The following C1orf50 variants were observed in gnomAD, a reference collection of about 807,000 sequenced individuals.
C1orf50 encodes chromosome 1 open reading frame 50, also known as uncharacterized protein C1orf50.
C1orf50 carries 22 observed loss-of-function variants against 23.3 expected under a neutral mutation model. That is an observed-to-expected ratio of 0.94 (90% CI 0.67 to 1.35). The LOEUF (loss-of-function observed/expected upper bound fraction) is 1.35, where lower values mean the gene tolerates loss of function less well. C1orf50 is among the 40% of genes most tolerant of loss of function. C1orf50 has a pLI of 0.00. For missense variants in C1orf50, 271 were observed against 249.4 expected, an observed-to-expected ratio of 1.09 and a Z score of -0.58; for synonymous variants, 96 against 102.4, an observed-to-expected ratio of 0.94 and a Z score of 0.38.
rs1390539491 is a variant in C1orf50 at position 42,778,220 on chromosome 1, T to A, written c.*2826T>A. On this transcript the variant is annotated 3_prime_UTR_variant, in exon 5 of 5. Coordinates refer to ENST00000372525, the MANE Select transcript of C1orf50 (RefSeq NM_024097.4). ...TGTTCACCTGATAATTTCATTAGTG[T>A]TAAGTGCCTTCTAGGTTCCAGGTTC... 6.6e-6 allele frequency: 1 copy of A among 152,174 alleles called. No homozygotes were observed. Among genetic ancestry groups the A allele is most frequent in the Non-Finnish European group, 1.5e-5 (1 of 68,036 alleles). The allele number at this position is 152,174 out of a possible 1,614,324, so 9.4% of individuals were successfully genotyped here. A position where few individuals can be genotyped will look rare whatever the true frequency, so the allele number is the denominator to read the frequency against.
At position 42,775,265 on chromosome 1, in the gene C1orf50, C is replaced by T; in HGVS notation, c.471C>T (p.Asp157=). The change falls in exon 5 of 5, where the codon GAC becomes GAT. Residue 157 remains aspartate (D), a synonymous_variant. Transcript: ENST00000372525. ...TTGGTGCCTACAAACTACAGCATGACTTGTCCTGGACTCCGTATGAGGACA... is the reference window on the plus strand; with the variant it reads ...TTGGTGCCTACAAACTACAGCATGATTTGTCCTGGACTCCGTATGAGGACA... ...DFLGAYKLQH[D]LSWTPYEDIE... 1.2e-6 allele frequency: 2 copies of T among 1,610,818 alleles called. No homozygotes were observed. Among genetic ancestry groups the T allele is most frequent in the Non-Finnish European group, 1.7e-6 (2 of 1,177,208 alleles).
In C1orf50 at chr1:42,778,199, C is replaced by T. The variant is rs1653376107; in HGVS notation, c.*2805C>T. 1 of 152,096 alleles carries T rather than the reference C, an allele frequency of 6.6e-6. No homozygotes were observed. The highest frequency in any genetic ancestry group is 1.5e-5 in the Non-Finnish European group (1 of 68,022). The allele number at this position is 152,096 out of a possible 1,614,324, so 9.4% of individuals were successfully genotyped here. A position where few individuals can be genotyped will look rare whatever the true frequency, so the allele number is the denominator to read the frequency against. ...CTTTTCATTTACCCATCCATCTGTTCACCTGATAATTTCATTAGTGTTAAG... is the reference window on the plus strand; with the variant it reads ...CTTTTCATTTACCCATCCATCTGTTTACCTGATAATTTCATTAGTGTTAAG... On this transcript the variant is annotated 3_prime_UTR_variant, in exon 5 of 5. Coordinates refer to ENST00000372525, the MANE Select transcript of C1orf50 (RefSeq NM_024097.4).
At position 42,778,868 on chromosome 1, in the gene C1orf50, G is replaced by A. The variant is rs541778137; in HGVS notation, c.*3474G>A. 1 of 151,960 alleles carries A rather than the reference G, an allele frequency of 6.6e-6. No individual in the cohort carries two copies. The highest frequency in any genetic ancestry group is 1.9e-4 in the East Asian group (1 of 5,156). The allele number at this position is 151,960 out of a possible 1,614,324, so 9.4% of individuals were successfully genotyped here. A position where few individuals can be genotyped will look rare whatever the true frequency, so the allele number is the denominator to read the frequency against. On this transcript the variant is annotated 3_prime_UTR_variant, in exon 5 of 5. Transcript: ENST00000372525. Reference sequence around the variant, plus strand: ...TATTGGCAGCAGAGTTTGGGTAGAGGGAAGACAGGAGATTCCATCCCTAAT... The same window carrying A: ...TATTGGCAGCAGAGTTTGGGTAGAGAGAAGACAGGAGATTCCATCCCTAAT...
chr1:42,773,883 C>T (rs1442033257), intron 3 of C1orf50, among the ~76,000 whole-genome samples: 2 of 152,126 alleles, frequency 1.3e-5, no homozygotes, highest in Admixed American at 6.5e-5. Flanking sequence ...AGTGCAGTGG[C>T]ATGGTCTCAG....
intron 2 of C1orf50, among the ~76,000 whole-genome samples, chr1:42,769,483 T>A (rs1570491849): frequency 6.6e-6 from 1 of 150,692 alleles, no homozygotes; most frequent in Non-Finnish European, 1.5e-5. Context: ...GAGGCAGAGG[T>A]TGCAGTGAGC....
chr1:42,777,720 T>G lies in C1orf50; in HGVS notation c.*2326T>G, dbSNP rs368215836. On this transcript the variant is annotated 3_prime_UTR_variant, in exon 5 of 5. Coordinates refer to ENST00000372525, the MANE Select transcript of C1orf50 (RefSeq NM_024097.4). Reference sequence around the variant, plus strand: ...GAATCATTGAACAGATCCTAGAATCTATCTGCCACAGTGCTCAGTTGAGAA... The same window carrying G: ...GAATCATTGAACAGATCCTAGAATCGATCTGCCACAGTGCTCAGTTGAGAA... 10 of 152,318 alleles carry G rather than the reference T, an allele frequency of 6.6e-5. No homozygotes were observed. Among genetic ancestry groups the G allele is most frequent in the African/African-American group, 2.4e-4 (10 of 41,572 alleles). The allele number at this position is 152,318 out of a possible 1,614,324, so 9.4% of individuals were successfully genotyped here. A position where few individuals can be genotyped will look rare whatever the true frequency, so the allele number is the denominator to read the frequency against.
At chr1:42,768,758 T>C (rs1653150176) in intron 2 of C1orf50, among the ~76,000 whole-genome samples, 1 of 152,184 alleles carries the variant, frequency 6.6e-6, no homozygotes, top group African/African-American at 2.4e-5. Flanking sequence ...AACGTATTCA[T>C]GTGCTATTGA....
chr1:42,777,173 C>T lies in C1orf50; in HGVS notation c.*1779C>T, dbSNP rs116524098. ...GTACAGTGGCTCAATCTCAGCTTAC[C>T]GCAACCTCCGCCTCCTGGTTCAAGT... On this transcript the variant is annotated 3_prime_UTR_variant, in exon 5 of 5. Transcript: ENST00000372525. 3,788 of 152,304 alleles carry T rather than the reference C, an allele frequency of 0.025. 108 individuals carry two copies. The highest frequency in any genetic ancestry group is 0.11 in the South Asian group (544 of 4,820). The allele number at this position is 152,304 out of a possible 1,614,324, so 9.4% of individuals were successfully genotyped here. A position where few individuals can be genotyped will look rare whatever the true frequency, so the allele number is the denominator to read the frequency against.
In C1orf50 at chr1:42,776,083, G is replaced by A. The variant is rs1653335343; in HGVS notation, c.*689G>A. ...TCAACTTTGAAACTCACAAATTTTA[G>A]ACTTGGAAGAGACATTGGATGCTGC... On this transcript the variant is annotated 3_prime_UTR_variant, in exon 5 of 5. Transcript: ENST00000372525. 1 of 152,122 alleles carries A rather than the reference G, an allele frequency of 6.6e-6. No individual in the cohort carries two copies. The highest frequency in any genetic ancestry group is 2.4e-5 in the African/African-American group (1 of 41,404). The allele number at this position is 152,122 out of a possible 1,614,324, so 9.4% of individuals were successfully genotyped here. A position where few individuals can be genotyped will look rare whatever the true frequency, so the allele number is the denominator to read the frequency against.
Position 42,774,728 on chromosome 1 carries a change from G to A in C1orf50, c.283-9G>A. The A allele has an allele frequency of 1.3e-6, 2 of 1,597,282 alleles. No homozygotes were observed. The highest frequency in any genetic ancestry group is 8.6e-7 in the Non-Finnish European group (1 of 1,167,988). On this transcript the variant is annotated splice_polypyrimidine_tract_variant and intron_variant, in intron 3 of 4. Coordinates refer to ENST00000372525, the MANE Select transcript of C1orf50 (RefSeq NM_024097.4). Reference sequence around the variant, plus strand: ...AATACCTAATTTGTTACATATCTGTGATTCATAGGTACTGGAAGATGCTCA... The same window carrying A: ...AATACCTAATTTGTTACATATCTGTAATTCATAGGTACTGGAAGATGCTCA...
intron 2 of C1orf50, among the ~76,000 whole-genome samples, chr1:42,768,934 GACAA>G (rs953142988): frequency 1.9e-4 from 29 of 152,268 alleles, no homozygotes; most frequent in African/African-American, 5.8e-4. Context: ...AAACTTTAGA[GACAA>G]ACAAATTGAA....
Position 42,774,920 on chromosome 1 carries a change from C to G in C1orf50, c.414+52C>G, listed in dbSNP as rs746918588. On this transcript the variant is annotated intron_variant, in intron 4 of 4. Transcript: ENST00000372525. The stretch of plus-strand genomic sequence containing the variant: ...AATCTACTCCAGCCTCTGAGAAATT[C>G]TTGGTATATGTGTGAAAATGTAGAC... The G allele has an allele frequency of 3.2e-6, 5 of 1,573,300 alleles. No individual in the cohort carries two copies. The African/African-American group carries it at 4.0e-5, about 13-fold the overall frequency.
intron 2 of C1orf50, among the ~76,000 whole-genome samples, chr1:42,771,212 C>G (rs1489910044): frequency 1.3e-5 from 2 of 152,110 alleles, no homozygotes; most frequent in Non-Finnish European, 2.9e-5. Context: ...ATCATCTTTA[C>G]TTTTTGGTAT....
In C1orf50 at chr1:42,767,388, G is replaced by T. The variant is rs1310607852; in HGVS notation, c.77G>T (p.Gly26Val). 6.4e-7 allele frequency: 1 copy of T among 1,555,830 alleles called. No homozygotes were observed. Among genetic ancestry groups the T allele is most frequent in the East Asian group, 2.4e-5 (1 of 42,020 alleles). ...RQGAPPAAGQ[G>V]GALVELTPTP... ...GGAGCGCCGCCAGCTGCAGGCCAGG[G>T]AGGTATGCGGGGCGGGAGTCAGCAG... The change falls in exon 1 of 5, where the codon GGA (glycine) becomes GTA (valine). Residue 26 changes from glycine (G) to valine (V), a missense_variant and splice_region_variant. Coordinates refer to ENST00000372525, the MANE Select transcript of C1orf50 (RefSeq NM_024097.4).
intron 2 of C1orf50, among the ~76,000 whole-genome samples, chr1:42,768,466 T>C (rs1242859771): frequency 2.0e-5 from 3 of 152,254 alleles, no homozygotes; most frequent in Non-Finnish European, 4.4e-5. Context: ...GCCTTGATTA[T>C]GTTCCAGGGT....
rs1653376380 is a variant in C1orf50, at chr1:42,778,213, A to G, written c.*2819A>G. 1 of 152,102 alleles carries G rather than the reference A, an allele frequency of 6.6e-6. No homozygotes were observed. The highest frequency in any genetic ancestry group is 2.4e-5 in the African/African-American group (1 of 41,436). 9.4% of individuals were successfully genotyped at this position (152,102 alleles called of 1,614,324 possible). ...ATCCATCTGTTCACCTGATAATTTCATTAGTGTTAAGTGCCTTCTAGGTTC... is the reference window on the plus strand; with the variant it reads ...ATCCATCTGTTCACCTGATAATTTCGTTAGTGTTAAGTGCCTTCTAGGTTC... On this transcript the variant is annotated 3_prime_UTR_variant, in exon 5 of 5. Coordinates refer to ENST00000372525, the MANE Select transcript of C1orf50 (RefSeq NM_024097.4).
Position 42,779,269 on chromosome 1 carries a change from CGG to C in C1orf50, c.*3877_*3878del, listed in dbSNP as rs1557588014. The C allele has an allele frequency of 6.6e-6, 1 of 151,078 alleles. No homozygotes were observed. The highest frequency in any genetic ancestry group is 1.5e-5 in the Non-Finnish European group (1 of 67,908). 9.4% of individuals were successfully genotyped at this position (151,078 alleles called of 1,614,324 possible). A position where few individuals can be genotyped will look rare whatever the true frequency, so the allele number is the denominator to read the frequency against. On this transcript the variant is annotated 3_prime_UTR_variant, in exon 5 of 5. Coordinates refer to ENST00000372525, the MANE Select transcript of C1orf50 (RefSeq NM_024097.4). The stretch of plus-strand genomic sequence containing the variant: ...GCGGGCGCCTGTAATCCCAGCTACT[CGG>C]GAGGCTGAGGCAGGAGAATGTCGTG...
chr1:42,775,513 C>A lies in C1orf50; in HGVS notation c.*119C>A. 1.2e-6 allele frequency: 1 copy of A among 818,904 alleles called. No individual in the cohort carries two copies. The highest frequency in any genetic ancestry group is 2.2e-5 in the South Asian group (1 of 46,060). The allele number at this position is 818,904 out of a possible 1,614,324, so 50.7% of individuals were successfully genotyped here. On this transcript the variant is annotated 3_prime_UTR_variant, in exon 5 of 5. Coordinates refer to ENST00000372525, the MANE Select transcript of C1orf50 (RefSeq NM_024097.4). ...CTCACAAACTTCTTGGAAAGAGACC[C>A]TGTGTGAATGTAAATGCTGTCATTA... is the stretch of plus-strand genomic sequence containing the variant.
Position 42,775,871 on chromosome 1 carries a change from G to A in C1orf50, c.*477G>A, listed in dbSNP as rs1171940331. 4 of 145,938 alleles carry A rather than the reference G, an allele frequency of 2.7e-5. No individual in the cohort carries two copies. In the East Asian group the frequency reaches 5.8e-4, roughly 21 times the overall value. The allele number at this position is 145,938 out of a possible 1,614,324, so 9.0% of individuals were successfully genotyped here. On this transcript the variant is annotated 3_prime_UTR_variant, in exon 5 of 5. Transcript: ENST00000372525. ...AAATTCATCTGGGAACGAGAATGTTGAGTAATGGAGGGTGATTTAAAAAAC... is the reference window on the plus strand; with the variant it reads ...AAATTCATCTGGGAACGAGAATGTTAAGTAATGGAGGGTGATTTAAAAAAC...
Sources: allele counts gnomAD v4.1 joint callset (sites outside exome capture counted in the v4.1 genomes callset), GRCh38; gene constraint gnomAD v4.1.1; transcripts MANE v1.5; gene names NCBI Gene and HGNC (gene_info 2026-07-23, HGNC 2026-07-21).